Variants in TARBP2 observed in about 807,000 individuals in gnomAD.
TARBP2 encodes TARBP2 subunit of RISC loading complex.
Under a neutral mutation model 40.4 loss-of-function variants are expected in TARBP2, and 23 were observed. The ratio of observed to expected loss-of-function variants is 0.57; its 90% CI spans 0.41 to 0.81. TARBP2 has a LOEUF of 0.81. Ranked by LOEUF, TARBP2 falls within the 30% of genes least tolerant of loss-of-function variation. TARBP2 has a pLI of 0.00. For synonymous variants in TARBP2, 183 were observed against 190.5 expected, an observed-to-expected ratio of 0.96 and a Z score of 0.32; for missense variants, 358 against 473.7, an observed-to-expected ratio of 0.76 and a Z score of 2.27.
At position 53,505,612 on chromosome 12, in the gene TARBP2, T is replaced by A. The variant is rs767892475; in HGVS notation, c.742-37T>A. 1 of 1,589,474 alleles carries A rather than the reference T, an allele frequency of 6.3e-7. No individual in the cohort carries two copies. Among genetic ancestry groups the A allele is most frequent in the South Asian group, 1.1e-5 (1 of 90,616 alleles). On this transcript the variant is annotated intron_variant, in intron 7 of 8. Transcript: ENST00000266987. This position sits in a 1 kb window ranked among gnomAD's most constrained non-coding sequence, Gnocchi z 4.5. The stretch of plus-strand genomic sequence containing the variant: ...GTCTCAATGCCTGGGTCCCACAGTC[T>A]CTCGCTTCATCTTTCTCACTGTTCC...
chr12:53,501,537 C>G (rs1378239269), intron 1 of TARBP2, 76 bp downstream of exon 1: 1 of 1,544,788 alleles, frequency 6.5e-7, no homozygotes, highest in African/African-American at 1.4e-5. Context: ...GCGGCCCCAG[C>G]ATGCACCTGG....
intron 3 of TARBP2, 125 bp from the exon 4 acceptor site, chr12:53,503,588 C>G (rs953211795): frequency 2.3e-5 from 16 of 710,852 alleles, no homozygotes; most frequent in Admixed American, 2.4e-5. Flanking sequence ...TTGAGCCTCC[C>G]TGATTCTTTG....
chr12:53,502,088 G>C lies in TARBP2; in HGVS notation c.127G>C (p.Gly43Arg). The C allele has an allele frequency of 6.2e-7, 1 of 1,614,208 alleles. No homozygotes were observed. Among genetic ancestry groups the C allele is most frequent in the African/African-American group, 1.3e-5 (1 of 75,062 alleles). The part of the protein sequence containing the change: ...SLLQEYGTRI[G>R]KTPVYDLLKA... ...TCTGCAGGAGTATGGGACCAGAATA[G>C]GGAAGACGCCTGTGTACGACCTTCT... Residue 43 changes from glycine (G) to arginine (R), a missense_variant, in exon 2 of 9, where the codon GGG becomes CGG. Transcript: ENST00000266987.
chr12:53,503,268 C>T (rs1179499393), intron 3 of TARBP2, 139 bp downstream of exon 3: 3 of 1,402,384 alleles, frequency 2.1e-6, no homozygotes, highest in Non-Finnish European at 2.8e-6. Flanking sequence ...TGGACCTGAA[C>T]AGGGTTTTCC....
In TARBP2 at chr12:53,506,067, T is replaced by C. The variant is rs1943973629; in HGVS notation, c.1020T>C (p.Ser340=). 7.4e-6 allele frequency: 12 copies of C among 1,613,948 alleles called. No individual in the cohort carries two copies. Among genetic ancestry groups the C allele is most frequent in the Non-Finnish European group, 1.0e-5 (12 of 1,180,018 alleles). ...STQPATVCHG[S]ATTREAARGE... ...AGCCGGCCACTGTGTGTCATGGCTC[T>C]GCAACCACCAGGGAGGCAGCCCGTG... Residue 340 remains serine (S), a synonymous_variant, in exon 9 of 9, where the codon TCT becomes TCC. Coordinates refer to ENST00000266987, the MANE Select transcript of TARBP2 (RefSeq NM_134323.2).
At chr12:53,504,638 G>A in intron 5 of TARBP2, 60 bp from the exon 6 acceptor site, 1 of 1,613,934 alleles carries the variant, frequency 6.2e-7, no homozygotes, top group Non-Finnish European at 8.5e-7. Context: ...GTGGGGACCA[G>A]CGTGGGTGTG....
chr12:53,505,308 C>T lies in TARBP2; in HGVS notation c.741+46C>T. 1 of 1,546,836 alleles carries T rather than the reference C, an allele frequency of 6.5e-7. No individual in the cohort carries two copies. Among genetic ancestry groups the T allele is most frequent in the Non-Finnish European group, 8.8e-7 (1 of 1,140,562 alleles). On this transcript the variant is annotated intron_variant, in intron 7 of 8. Transcript: ENST00000266987. This position sits in a 1 kb window ranked among gnomAD's most constrained non-coding sequence, Gnocchi z 4.5. ...GGGCACCGTGGCCCATCCTCCATGC[C>T]AGGGCAGGGCTCCAGGGACTTGGGT...
chr12:53,501,811 C>A, intron 1 of TARBP2: 1 of 1,316,072 alleles, frequency 7.6e-7, no homozygotes, highest in Non-Finnish European at 1.0e-6. Flanking sequence ...AGGAGCAATG[C>A]ATTCTTCCCC....
chr12:53,504,112 G>T, intron 4 of TARBP2: 1 of 572,304 alleles, frequency 1.7e-6, no homozygotes, highest in Non-Finnish European at 3.1e-6. Context: ...GGCACTTCTG[G>T]GACTGGAAAT....
At chr12:53,502,227 G>C (rs1943744963) in intron 2 of TARBP2, 43 bp downstream of exon 2, 3 of 1,606,952 alleles carry the variant, frequency 1.9e-6, no homozygotes, top group South Asian at 2.2e-5. Context: ...TGCATTTGCA[G>C]GTCCCCATGG....
chr12:53,502,250 G>C, intron 2 of TARBP2, 66 bp downstream of exon 2: 1 of 1,573,808 alleles, frequency 6.4e-7, no homozygotes, highest in Non-Finnish European at 8.6e-7. Context: ...TTGTTTCTTG[G>C]AGTCTCTCTC....
chr12:53,504,690 C>T lies in TARBP2; in HGVS notation c.496-8C>T. On this transcript the variant is annotated splice_region_variant and splice_polypyrimidine_tract_variant and intron_variant, in intron 5 of 8. Transcript: ENST00000266987. Reference sequence around the variant, plus strand: ...TCAGCCTCATGCACCCTGTGTCTCCCTTCCAAGGAGCTGGTGGTGCAGAAA... The same window carrying T: ...TCAGCCTCATGCACCCTGTGTCTCCTTTCCAAGGAGCTGGTGGTGCAGAAA... 2 of 1,614,168 alleles carry T rather than the reference C, an allele frequency of 1.2e-6. No homozygotes were observed. Among genetic ancestry groups the T allele is most frequent in the Non-Finnish European group, 1.7e-6 (2 of 1,180,034 alleles).
intron 4 of TARBP2, 105 bp from the exon 5 acceptor site, chr12:53,504,292 G>A: frequency 1.9e-6 from 2 of 1,080,646 alleles, no homozygotes; most frequent in Non-Finnish European, 2.6e-6. Flanking sequence ...GGTGGAATCG[G>A]GAGATGGTAG....
rs755365515 is a variant in TARBP2 at position 53,505,302 on chromosome 12, C to T, written c.741+40C>T. On this transcript the variant is annotated intron_variant, in intron 7 of 8. Transcript: ENST00000266987. This position sits in a 1 kb window ranked among gnomAD's most constrained non-coding sequence, Gnocchi z 4.5. ...TGGGCCGGGCACCGTGGCCCATCCT[C>T]CATGCCAGGGCAGGGCTCCAGGGAC... 2 of 1,554,554 alleles carry T rather than the reference C, an allele frequency of 1.3e-6. No individual in the cohort carries two copies. Among genetic ancestry groups the T allele is most frequent in the African/African-American group, 1.4e-5 (1 of 73,620 alleles).
chr12:53,503,189 C>T, intron 3 of TARBP2, 60 bp downstream of exon 3: 1 of 1,485,838 alleles, frequency 6.7e-7, no homozygotes, highest in Non-Finnish European at 9.0e-7. Context: ...CTGCACCACC[C>T]ACTCTGCCCC....
At chr12:53,502,947 C>T (rs948035476) in intron 2 of TARBP2, 80 bp from the exon 3 acceptor site, 24 of 1,421,938 alleles carry the variant, frequency 1.7e-5, no homozygotes, top group South Asian at 7.1e-5. Context: ...CCTCTGGCTA[C>T]GAGGAGAGAG....
intron 4 of TARBP2, chr12:53,504,024 C>T (rs186935025): frequency 1.2e-4 from 74 of 598,360 alleles, no homozygotes; most frequent in African/African-American, 7.6e-4. Context: ...GAATGATGTC[C>T]GACCATGTTT....
Position 53,506,121 on chromosome 12 carries a change from C to T in TARBP2, c.1074C>T (p.Tyr358=). 1 of 1,613,934 alleles carries T rather than the reference C, an allele frequency of 6.2e-7. No individual in the cohort carries two copies. The highest frequency in any genetic ancestry group is 1.1e-5 in the South Asian group (1 of 91,064). Residue 358 remains tyrosine, a synonymous_variant, in exon 9 of 9, where the codon TAC becomes TAT. Transcript: ENST00000266987. ...AGGCTGCCCGCCGTGCCCTGCAGTA[C>T]CTCAAGATCATGGCAGGCAGCAAGT... ...RGEAARRALQ[Y]LKIMAGSK
chr12:53,504,377 CCCT>C lies in TARBP2; in HGVS notation c.423-19_423-17del, dbSNP rs763755114. ...ATGGAACCCTTCACCTCAACTTTGG[CCCT>C]GTGCCTTTTCCTTCAGGAGCCCCCC... On this transcript the variant is annotated splice_polypyrimidine_tract_variant and intron_variant, in intron 4 of 8. Transcript: ENST00000266987. 2.6e-6 allele frequency: 4 copies of C among 1,547,742 alleles called. No homozygotes were observed.
Sources: allele counts gnomAD v4.1 joint callset, GRCh38; gene constraint gnomAD v4.1.1; non-coding constraint Gnocchi (gnomAD v3.1); transcripts MANE v1.5; gene names NCBI Gene and HGNC (gene_info 2026-07-23, HGNC 2026-07-21).